Variants in RPS6KA3 observed in about 807,000 individuals in gnomAD.
The protein encoded by RPS6KA3 is ribosomal protein S6 kinase alpha-3.
RPS6KA3 carries 4 observed loss-of-function variants against 67.2 expected under a neutral mutation model. The ratio of observed to expected loss-of-function variants is 0.06; its 90% confidence interval spans 0.03 to 0.14. RPS6KA3 has a LOEUF of 0.14. Among genes scored for constraint, RPS6KA3 ranks in the 10% least tolerant of loss-of-function variants. The pLI is 1.00. For synonymous variants in RPS6KA3, 182 were observed against 183.7 expected (o/e 0.99, Z 0.07); for missense variants, 204 against 559.0 (o/e 0.36, Z 6.40).
chrX:20,226,387 G>C (rs185431356), intron 2 of RPS6KA3, among the ~76,000 whole-genome samples: 90 of 111,474 alleles, frequency 8.1e-4, no homozygotes, highest in African/African-American at 2.8e-3. Context: ...AAGAAGGTCT[G>C]AGTGACGGTA....
intron 1 of RPS6KA3, among the ~76,000 whole-genome samples, chrX:20,256,269 C>T (rs1431788484): frequency 1.1e-5 from 1 of 93,878 alleles, no homozygotes; most frequent in Non-Finnish European, 2.1e-5. Context: ...GATTGCATAA[C>T]TTTCCTTTTA....
intron 2 of RPS6KA3, among the ~76,000 whole-genome samples, chrX:20,210,505 G>A (rs1211362501): frequency 9.0e-6 from 1 of 111,096 alleles, no homozygotes; most frequent in African/African-American, 3.3e-5. Flanking sequence ...TTAGAATGCT[G>A]GCAATATAAG....
chrX:20,203,919 C>T (rs1034604087), intron 4 of RPS6KA3, 103 bp downstream of exon 4: 2 of 617,807 alleles, frequency 3.2e-6, no homozygotes, highest in South Asian at 2.4e-5. Flanking sequence ...TAACAGGAAC[C>T]TATTCAGAAT....
intron 20 of RPS6KA3, among the ~76,000 whole-genome samples, chrX:20,160,923 C>T (rs1267017451): frequency 9.0e-6 from 1 of 110,586 alleles, no homozygotes; most frequent in African/African-American, 3.3e-5. Flanking sequence ...AATATGTATC[C>T]TCTTTATCTA....
At chrX:20,202,065 C>T (rs1214793648) in intron 4 of RPS6KA3, among the ~76,000 whole-genome samples, 1 of 105,187 alleles carries the variant, frequency 9.5e-6, no homozygotes. Context: ...CTGCAACCTC[C>T]GCCCCCCGTG....
At chrX:20,169,519 C>T in intron 15 of RPS6KA3, 28 bp from the exon 16 acceptor site, 2 of 868,656 alleles carry the variant, frequency 2.3e-6, no homozygotes, top group Non-Finnish European at 1.7e-6. Flanking sequence ...ATCACAAAAC[C>T]TCATCAACTA....
intron 2 of RPS6KA3, among the ~76,000 whole-genome samples, chrX:20,214,841 C>CTTTTT (rs753632500): frequency 1.1e-5 from 1 of 90,359 alleles, no homozygotes; most frequent in African/African-American, 4.2e-5. Context: ...TTCTTTTTTT[C>CTTTTT]TTTTTTTTTT....
At chrX:20,183,992 T>C (rs917621241) in intron 10 of RPS6KA3, among the ~76,000 whole-genome samples, 1 of 112,715 alleles carries the variant, frequency 8.9e-6, no homozygotes, top group African/African-American at 3.2e-5. Flanking sequence ...CATGCTGAAA[T>C]AACATCTTGG....
chrX:20,257,880 T>A (rs772075806), intron 1 of RPS6KA3, among the ~76,000 whole-genome samples: 5 of 111,997 alleles, frequency 4.5e-5, no homozygotes, highest in Admixed American at 2.8e-4. Flanking sequence ...TTGAATGAGA[T>A]GTCACAGTAA....
chrX:20,187,463 C>G (rs1269735556), intron 9 of RPS6KA3, among the ~76,000 whole-genome samples: 1 of 111,725 alleles, frequency 9.0e-6, no homozygotes, highest in African/African-American at 3.3e-5. Flanking sequence ...CTCAGCCTCC[C>G]AAAGTGCTAG....
chrX:20,221,637 A>G (rs933790589), intron 2 of RPS6KA3, among the ~76,000 whole-genome samples: 1 of 111,925 alleles, frequency 8.9e-6, no homozygotes, highest in Admixed American at 9.5e-5. Context: ...CTGCGTTCCA[A>G]TAAAACATCT....
intron 20 of RPS6KA3, among the ~76,000 whole-genome samples, chrX:20,159,174 C>T (rs1356420027): frequency 8.9e-6 from 1 of 112,250 alleles, no homozygotes; most frequent in East Asian, 2.8e-4. Context: ...TTCCATTTGG[C>T]TCAAATTCCA....
rs781526087 is a variant in RPS6KA3, at chrX:20,153,378, G to T, written c.*2020C>A. On this transcript the variant is annotated 3_prime_UTR_variant, in exon 22 of 22. Coordinates refer to ENST00000379565, the MANE Select transcript of RPS6KA3 (RefSeq NM_004586.3). ...AGCTAAACTTACATTTGATTTCTAT[G>T]CAGTAATCATTTTTGTGTCACTTGG... 1 of 111,680 alleles carries T rather than the reference G, an allele frequency of 9.0e-6. No homozygotes were observed. The highest frequency in any genetic ancestry group is 3.7e-4 in the South Asian group (1 of 2,684). The allele number at this position is 111,680 out of a possible 1,213,427, so 9.2% of individuals were successfully genotyped here.
chrX:20,187,762 C>T (rs2068022307), intron 9 of RPS6KA3, 66 bp downstream of exon 9: 1 of 928,769 alleles, frequency 1.1e-6, no homozygotes, highest in Non-Finnish European at 1.6e-6. Flanking sequence ...GTTTCTTTAA[C>T]ATTCACTGCT....
intron 19 of RPS6KA3, among the ~76,000 whole-genome samples, chrX:20,161,969 CAAT>C (rs2067313286): frequency 9.3e-6 from 1 of 107,866 alleles, no homozygotes; most frequent in Non-Finnish European, 1.9e-5. Flanking sequence ...TGTATATTTA[CAAT>C]AATTACAAAT....
In RPS6KA3 at chrX:20,159,635, C is replaced by T. The variant is rs1439918268; in HGVS notation, c.1959+2009G>A. ...TTCCTCTCTCACCAAAAAAGCATACCAGGATGTAAGTGAATGAAGAAAATC... is the reference window on the plus strand; with the variant it reads ...TTCCTCTCTCACCAAAAAAGCATACTAGGATGTAAGTGAATGAAGAAAATC... On this transcript the variant is annotated intron_variant, in intron 20 of 21. Coordinates refer to ENST00000379565, the MANE Select transcript of RPS6KA3 (RefSeq NM_004586.3). 3.6e-5 allele frequency among the ~76,000 whole-genome samples: 4 copies of T among 111,831 alleles called. No individual in the cohort carries two copies. The East Asian group carries it at 1.1e-3, about 31-fold the overall frequency.
At chrX:20,169,198 C>T (rs2067514238) in intron 16 of RPS6KA3, among the ~76,000 whole-genome samples, 1 of 111,984 alleles carries the variant, frequency 8.9e-6, no homozygotes, top group Admixed American at 9.5e-5. Context: ...GGAGATCTCA[C>T]TGTGTTGACC....
intron 1 of RPS6KA3, among the ~76,000 whole-genome samples, chrX:20,244,085 A>G (rs1036825598): frequency 5.4e-5 from 6 of 111,960 alleles, no homozygotes; most frequent in African/African-American, 1.9e-4. Flanking sequence ...AATAAGGACA[A>G]AGCATTTGAA....
chrX:20,175,872 TTTC>T (rs1457357788), intron 13 of RPS6KA3, among the ~76,000 whole-genome samples: 1 of 110,252 alleles, frequency 9.1e-6, no homozygotes, highest in African/African-American at 3.3e-5. Context: ...AGGAAAAGAT[TTTC>T]TTTTTTTCTT....
Sources: allele counts gnomAD v4.1 joint callset (sites outside exome capture counted in the v4.1 genomes callset), GRCh38; gene constraint gnomAD v4.1.1; transcripts MANE v1.5; gene names NCBI Gene and HGNC (gene_info 2026-07-23, HGNC 2026-07-21).